Variants in SH3PXD2A observed in about 807,000 individuals in gnomAD.
SH3PXD2A encodes the protein SH3 and PX domain-containing protein 2A.
A neutral mutation model predicts 115.2 loss-of-function variants in SH3PXD2A; 32 were observed. The ratio of observed to expected loss-of-function variants is 0.28; its 90% CI spans 0.21 to 0.37. The LOEUF is 0.37. Among genes scored for constraint, SH3PXD2A ranks in the 10% least tolerant of loss-of-function variants. The pLI, the probability that SH3PXD2A is intolerant of heterozygous loss-of-function variation, is 1.00. For synonymous variants in SH3PXD2A, 610 were observed against 629.1 expected, an observed-to-expected ratio of 0.97 and a Z score of 0.45; for missense variants, 1,328 against 1,498.7, an observed-to-expected ratio of 0.89 and a Z score of 1.88.
intron 5 of SH3PXD2A, among the ~76,000 whole-genome samples, chr10:103,700,133 C>T (rs2037874939): frequency 6.6e-6 from 1 of 152,238 alleles, no homozygotes; most frequent in Non-Finnish European, 1.5e-5. Context: ...CTAAGTGTGT[C>T]TTCAGCCACA....
chr10:103,693,156 G>T, intron 5 of SH3PXD2A, 100 bp from the exon 6 acceptor site: 2 of 922,236 alleles, frequency 2.2e-6, no homozygotes, highest in Non-Finnish European at 3.4e-6. Context: ...GTCGGTCCCC[G>T]GTGCCGCTGC....
intron 1 of SH3PXD2A, among the ~76,000 whole-genome samples, chr10:103,802,593 G>C (rs1186712885): frequency 6.6e-6 from 1 of 152,224 alleles, no homozygotes; most frequent in East Asian, 1.9e-4. Context: ...GCCTGAGTTA[G>C]AGGAATGGGT....
chr10:103,774,865 A>AAG (rs2038863041), intron 2 of SH3PXD2A, among the ~76,000 whole-genome samples: 1 of 152,230 alleles, frequency 6.6e-6, no homozygotes, highest in African/African-American at 2.4e-5. Context: ...GTGAGTTTAC[A>AAG]GTAGGCCTTA....
intron 8 of SH3PXD2A, among the ~76,000 whole-genome samples, chr10:103,641,421 A>G (rs1324980886): frequency 1.3e-5 from 2 of 152,220 alleles, no homozygotes; most frequent in South Asian, 2.1e-4. Flanking sequence ...GCCTTAGGAA[A>G]CTCAGAATGG....
At chr10:103,847,383 G>A (rs1322068216) in intron 1 of SH3PXD2A, among the ~76,000 whole-genome samples, 2 of 151,864 alleles carry the variant, frequency 1.3e-5, no homozygotes, top group Admixed American at 6.6e-5. Context: ...GTGTGATCAC[G>A]GTTTACTGCA....
chr10:103,839,488 C>T (rs887421422), intron 1 of SH3PXD2A, among the ~76,000 whole-genome samples: 2 of 152,318 alleles, frequency 1.3e-5, no homozygotes, highest in South Asian at 2.1e-4. Context: ...GTGCCATCCT[C>T]ATCACCAGCC....
Position 103,796,202 on chromosome 10 carries a change from T to TA in SH3PXD2A, c.153+5079dup, listed in dbSNP as rs199729229. Among the ~76,000 whole-genome samples the TA allele has an allele frequency of 3.0e-3, 432 of 142,642 alleles. 3 individuals are homozygous for TA. The highest frequency in any genetic ancestry group is 8.8e-3 in the African/African-American group (341 of 38,960). The allele number at this position is 142,642 out of a possible 152,430, so 93.6% of individuals were successfully genotyped here. ...AGTGGGACCCTGTCTCTACAAAAAATAAAAAAAAAAATTAGCTAGTCATAG... is the reference window on the plus strand; with the variant it reads ...AGTGGGACCCTGTCTCTACAAAAAATAAAAAAAAAAAATTAGCTAGTCATAG... On this transcript the variant is annotated intron_variant, in intron 2 of 14. Transcript: ENST00000369774.
intron 9 of SH3PXD2A, among the ~76,000 whole-genome samples, chr10:103,624,635 T>C (rs2036663376): frequency 6.6e-6 from 1 of 152,194 alleles, no homozygotes; most frequent in East Asian, 1.9e-4. Context: ...CTTTTCTTCC[T>C]AAAGTAATGA....
At chr10:103,636,269 C>T (rs375431426) in intron 8 of SH3PXD2A, among the ~76,000 whole-genome samples, 10 of 152,080 alleles carry the variant, frequency 6.6e-5, no homozygotes, top group South Asian at 2.1e-4. Flanking sequence ...ATTAGCCGGG[C>T]GTGGTGGCGG....
intron 5 of SH3PXD2A, among the ~76,000 whole-genome samples, chr10:103,693,818 G>A (rs906419642): frequency 3.5e-4 from 53 of 152,296 alleles, no homozygotes; most frequent in Middle Eastern, 3.4e-3. Context: ...TTAACTGGGA[G>A]GCCAGGAACG....
intron 1 of SH3PXD2A, among the ~76,000 whole-genome samples, chr10:103,848,402 C>CT (rs1842867797): frequency 6.6e-6 from 1 of 152,136 alleles, no homozygotes; most frequent in Non-Finnish European, 1.5e-5. Context: ...CAGGCACAGT[C>CT]GCAAAAACAG....
Position 103,756,336 on chromosome 10 carries a change from C to T in SH3PXD2A, c.229+10758G>A, listed in dbSNP as rs534164166. 1.7e-4 allele frequency among the ~76,000 whole-genome samples: 26 copies of T among 152,146 alleles called. 1 individual carries two copies. Among genetic ancestry groups the T allele is most frequent in the Non-Finnish European group, 2.9e-4 (20 of 68,010 alleles). ...TGGAGTGACCCAGGAGGGCAGTGTG[C>T]GGGATTAGGCCAGGGACACTGTGGG... On this transcript the variant is annotated intron_variant, in intron 3 of 14. Coordinates refer to ENST00000369774, the MANE Select transcript of SH3PXD2A (RefSeq NM_001394015.1). This position sits in a 1 kb window ranked among gnomAD's most constrained non-coding sequence, Gnocchi z 4.4.
chr10:103,717,631 A>C (rs752094719), intron 5 of SH3PXD2A, among the ~76,000 whole-genome samples: 2 of 152,212 alleles, frequency 1.3e-5, no homozygotes, highest in Non-Finnish European at 2.9e-5. Context: ...CCTCCTGGGA[A>C]TCTACAGACA....
At chr10:103,661,519 C>T (rs2037301805) in intron 7 of SH3PXD2A, 31 of 381,416 alleles carry the variant, frequency 8.1e-5, no homozygotes, top group Non-Finnish European at 1.1e-4. Context: ...CCTCTCGGGC[C>T]GGCAGGGGCA....
intron 5 of SH3PXD2A, among the ~76,000 whole-genome samples, chr10:103,722,700 G>A (rs958443982): frequency 3.9e-5 from 6 of 151,902 alleles, no homozygotes; most frequent in African/African-American, 1.2e-4. Flanking sequence ...GGGACCACAG[G>A]AAGGCTTGGG....
chr10:103,706,986 C>A lies in SH3PXD2A; in HGVS notation c.399-13930G>T, dbSNP rs530601657. On this transcript the variant is annotated intron_variant, in intron 5 of 14. Coordinates refer to ENST00000369774, the MANE Select transcript of SH3PXD2A (RefSeq NM_001394015.1). Reference sequence around the variant, plus strand: ...ATCACCTTGGTTGTCATGGAAACCACCCTGGCATCACAGTGGAGCCTGGAT... The same window carrying A: ...ATCACCTTGGTTGTCATGGAAACCAACCTGGCATCACAGTGGAGCCTGGAT... Among the ~76,000 whole-genome samples, 7 of 152,308 alleles carry A rather than the reference C, an allele frequency of 4.6e-5. No homozygotes were observed. The South Asian group carries it at 1.4e-3, about 32-fold the overall frequency.
intron 1 of SH3PXD2A, among the ~76,000 whole-genome samples, chr10:103,803,058 G>C (rs2039162866): frequency 6.6e-6 from 1 of 152,198 alleles, no homozygotes; most frequent in African/African-American, 2.4e-5. Flanking sequence ...GAGGCTTTGT[G>C]CTTGGCTGCT....
At chr10:103,754,625 A>G (rs2038618863) in intron 3 of SH3PXD2A, 1 of 152,104 alleles carries the variant, frequency 6.6e-6, no homozygotes, top group African/African-American at 2.4e-5. Flanking sequence ...GTTCTGATCT[A>G]TATCTGATGA....
In SH3PXD2A at chr10:103,597,413, T is replaced by G. The variant is rs1230404585; in HGVS notation, c.*4403A>C. 1 of 152,246 alleles carries G rather than the reference T, an allele frequency of 6.6e-6. No homozygotes were observed. The highest frequency in any genetic ancestry group is 1.5e-5 in the Non-Finnish European group (1 of 68,076). The allele number at this position is 152,246 out of a possible 1,614,324, so 9.4% of individuals were successfully genotyped here. A position where few individuals can be genotyped will look rare whatever the true frequency, so the allele number is the denominator to read the frequency against. On this transcript the variant is annotated 3_prime_UTR_variant, in exon 15 of 15. Coordinates refer to ENST00000369774, the MANE Select transcript of SH3PXD2A (RefSeq NM_001394015.1). Reference sequence around the variant, plus strand: ...GGTGAGAGAGGGCTGCTGGGAGTCATTTTTAGGCCAGGTCTCTCTGAGCAG... The same window carrying G: ...GGTGAGAGAGGGCTGCTGGGAGTCAGTTTTAGGCCAGGTCTCTCTGAGCAG...
Sources: allele counts gnomAD v4.1 joint callset (sites outside exome capture counted in the v4.1 genomes callset), GRCh38; gene constraint gnomAD v4.1.1; non-coding constraint Gnocchi (gnomAD v3.1); transcripts MANE v1.5; gene names NCBI Gene and HGNC (gene_info 2026-07-23, HGNC 2026-07-21).